NRP1: variants seen among roughly 807,000 people sequenced by gnomAD.
NRP1 encodes the protein neuropilin 1.
Under a neutral mutation model 106.7 loss-of-function variants are expected in NRP1, and 35 were observed. The ratio of observed to expected loss-of-function variants is 0.33; its 90% CI spans 0.25 to 0.43. NRP1 has a LOEUF of 0.43. Among genes scored for constraint, NRP1 ranks in the 20% least tolerant of loss-of-function variants. The probability of loss-of-function intolerance (pLI) is 1.00; values close to 1 mark genes in which losing one functional copy is unlikely to be tolerated. For synonymous variants in NRP1, 437 were observed against 417.9 expected, an observed-to-expected ratio of 1.05 and a Z score of -0.56; for missense variants, 1,024 against 1,170.4, an observed-to-expected ratio of 0.87 and a Z score of 1.83.
At chr10:33,318,796 G>T (rs1484527968) in intron 2 of NRP1, among the ~76,000 whole-genome samples, 2 of 143,620 alleles carry the variant, frequency 1.4e-5, no homozygotes, top group Non-Finnish European at 3.0e-5. Context: ...TAACTTTTGC[G>T]CCAACCTAAT....
At chr10:33,316,139 A>G (rs1442916511) in intron 2 of NRP1, among the ~76,000 whole-genome samples, 1 of 152,184 alleles carries the variant, frequency 6.6e-6, no homozygotes, top group African/African-American at 2.4e-5. Flanking sequence ...AGAGGGCAAG[A>G]AGGAGGAAAA....
intron 6 of NRP1, among the ~76,000 whole-genome samples, chr10:33,249,733 G>A (rs2133140391): frequency 6.6e-6 from 1 of 152,306 alleles, no homozygotes; most frequent in South Asian, 2.1e-4. Context: ...ATATGAAGTG[G>A]CTTTTTGAGC....
At position 33,207,667 on chromosome 10, in the gene NRP1, G is replaced by A. The variant is rs775164675; in HGVS notation, c.1664C>T (p.Pro555Leu). The change falls in exon 10 of 17, where the codon CCA becomes CTA. Residue 555 changes from proline to leucine, a missense_variant. Pro to Leu is a moderately conservative substitution (Grantham distance 98). Coordinates refer to ENST00000374867, the MANE Select transcript of NRP1 (RefSeq NM_003873.7). ...CCTGATGAATCGCGTGGAGAGAGCTGGAAAAGTCCGCAGCTCAGGTGTATC... is the reference window on the plus strand; with the variant it reads ...CCTGATGAATCGCGTGGAGAGAGCTAGAAAAGTCCGCAGCTCAGGTGTATC... ...NYDTPELRTFPALSTRFIRIY... is the reference protein window; with the variant it reads ...NYDTPELRTFLALSTRFIRIY... 1 of 1,614,052 alleles carries A rather than the reference G, an allele frequency of 6.2e-7. No individual in the cohort carries two copies.
At chr10:33,276,037 T>C (rs139703403) in intron 2 of NRP1, among the ~76,000 whole-genome samples, 9 of 152,322 alleles carry the variant, frequency 5.9e-5, no homozygotes, top group African/African-American at 2.2e-4. Context: ...TTCTCAACTC[T>C]TATTCATATG....
At chr10:33,296,849 C>T (rs957451440) in intron 2 of NRP1, among the ~76,000 whole-genome samples, 3 of 151,702 alleles carry the variant, frequency 2.0e-5, no homozygotes, top group Admixed American at 6.6e-5. Context: ...GCCAACATGG[C>T]GAAACCCCGC....
At chr10:33,321,365 A>T (rs540912768) in intron 2 of NRP1, among the ~76,000 whole-genome samples, 1 of 152,140 alleles carries the variant, frequency 6.6e-6, no homozygotes, top group East Asian at 1.9e-4. Context: ...TTTTCACTTT[A>T]TTGGAGAATA....
chr10:33,265,806 G>A (rs117778401), intron 3 of NRP1, among the ~76,000 whole-genome samples: 7 of 152,242 alleles, frequency 4.6e-5, no homozygotes, highest in East Asian at 1.9e-4. Context: ...GTGGCAATTC[G>A]CCAGGTCAGT....
At chr10:33,226,571 G>A (rs1388297756) in intron 6 of NRP1, among the ~76,000 whole-genome samples, 2 of 152,182 alleles carry the variant, frequency 1.3e-5, no homozygotes, top group Non-Finnish European at 2.9e-5. Flanking sequence ...TGAAAAACTA[G>A]TTCAGGCTAT....
intron 13 of NRP1, among the ~76,000 whole-genome samples, chr10:33,187,789 G>A (rs1003291736): frequency 6.6e-6 from 1 of 152,164 alleles, no homozygotes; most frequent in Admixed American, 6.5e-5. Flanking sequence ...TGTTTGCAAG[G>A]TGCTTTCTCA....
At chr10:33,216,700 C>T (rs748163068) in intron 8 of NRP1, among the ~76,000 whole-genome samples, 3 of 152,092 alleles carry the variant, frequency 2.0e-5, no homozygotes, top group Admixed American at 6.6e-5. Flanking sequence ...TTTTGGCCTC[C>T]CAAAGTGCTG....
At chr10:33,185,750 G>A in intron 14 of NRP1, 26 bp from the exon 15 acceptor site, 1 of 1,566,174 alleles carries the variant, frequency 6.4e-7, no homozygotes, top group Non-Finnish European at 8.8e-7. Context: ...CATTTTCACA[G>A]TATTGAAATG....
Position 33,213,719 on chromosome 10 carries a change from T to G in NRP1, c.1283-2A>C. 6.4e-7 allele frequency: 1 copy of G among 1,568,664 alleles called. No homozygotes were observed. Among genetic ancestry groups the G allele is most frequent in the Non-Finnish European group, 8.6e-7 (1 of 1,156,548 alleles). On this transcript the variant is annotated splice_acceptor_variant, in intron 8 of 16. Transcript: ENST00000374867. LOFTEE classifies it high-confidence loss of function. Reference sequence around the variant, plus strand: ...CCAACATTCCAGAGCAAGGATAATCTGGGAAGTGAAATGAAACAGATAATG... The same window carrying G: ...CCAACATTCCAGAGCAAGGATAATCGGGGAAGTGAAATGAAACAGATAATG...
intron 6 of NRP1, 103 bp from the exon 7 acceptor site, chr10:33,226,392 G>T: frequency 3.2e-6 from 4 of 1,239,238 alleles, no homozygotes; most frequent in Non-Finnish European, 4.5e-6. Flanking sequence ...ATCCACCTGG[G>T]ATCAACAGGG....
chr10:33,232,939 T>C (rs1840274046), intron 6 of NRP1, among the ~76,000 whole-genome samples: 1 of 152,118 alleles, frequency 6.6e-6, no homozygotes, highest in African/African-American at 2.4e-5. Flanking sequence ...TGAGCCACCG[T>C]GCCCAGCTGG....
At chr10:33,308,493 T>G (rs1192020591) in intron 2 of NRP1, among the ~76,000 whole-genome samples, 1 of 151,932 alleles carries the variant, frequency 6.6e-6, no homozygotes, top group Non-Finnish European at 1.5e-5. Context: ...AATCTCATTA[T>G]TCTTTTTTTT....
intron 12 of NRP1, chr10:33,194,731 T>C: frequency 1.9e-6 from 1 of 527,246 alleles, no homozygotes; most frequent in South Asian, 1.4e-5. Context: ...ATGCCTTTTG[T>C]TGGGGAGGGT....
intron 2 of NRP1, among the ~76,000 whole-genome samples, chr10:33,297,785 T>C (rs1233185024): frequency 6.6e-6 from 1 of 152,018 alleles, no homozygotes; most frequent in Non-Finnish European, 1.5e-5. Context: ...CCCTCTGTCC[T>C]GACGGCAGAG....
intron 2 of NRP1, among the ~76,000 whole-genome samples, chr10:33,305,506 A>G (rs1846086727): frequency 6.6e-6 from 1 of 152,100 alleles, no homozygotes; most frequent in Admixed American, 6.5e-5. Context: ...GCTGAAGACA[A>G]GTGTGTTCAG....
chr10:33,303,596 T>C (rs1845951449), intron 2 of NRP1, among the ~76,000 whole-genome samples: 1 of 152,212 alleles, frequency 6.6e-6, no homozygotes, highest in Admixed American at 6.5e-5. Flanking sequence ...GGAAACAAAA[T>C]GATGAAGCCA....
Sources: gnomAD v4.1 joint callset for allele counts (sites outside exome capture counted in the v4.1 genomes callset) on GRCh38, gnomAD v4.1.1 for gene constraint, MANE v1.5 for transcripts, NCBI Gene and HGNC (gene_info 2026-07-23, HGNC 2026-07-21) for gene names.